KANK1: variants seen among roughly 807,000 people sequenced by gnomAD.
KANK1 encodes KN motif and ankyrin repeat domains 1.
Under a neutral mutation model 106.2 loss-of-function variants are expected in KANK1, and 109 were observed. The observed-to-expected ratio is 1.03, with a 90% CI of 0.88 to 1.20. The LOEUF (loss-of-function observed/expected upper bound fraction) is 1.20. Among genes scored for constraint, KANK1 ranks in the 50% most tolerant of loss-of-function variants. The pLI is 0.00. For missense variants in KANK1, 2,399 were observed against 1,710.7 expected, an observed-to-expected ratio of 1.40 and a Z score of -7.10; for synonymous variants, 873 against 652.2, an observed-to-expected ratio of 1.34 and a Z score of -5.16.
chr9:612,529 T>A (rs1830815190), intron 1 of KANK1, among the ~76,000 whole-genome samples: 1 of 152,210 alleles, frequency 6.6e-6, no homozygotes, highest in Non-Finnish European at 1.5e-5. Flanking sequence ...AAACAGTTTA[T>A]GTTCTGCCTT....
intron 2 of KANK1, among the ~76,000 whole-genome samples, chr9:701,747 A>G (rs537130479): frequency 6.6e-6 from 1 of 152,284 alleles, no homozygotes; most frequent in South Asian, 2.1e-4. Context: ...GCAGGTTAGT[A>G]CTCGACTAGT....
At chr9:690,142 A>AAAAC (rs1309305912) in intron 2 of KANK1, among the ~76,000 whole-genome samples, 3 of 148,344 alleles carry the variant, frequency 2.0e-5, no homozygotes, top group Admixed American at 6.7e-5. Flanking sequence ...ACAAAAAAAA[A>AAAAC]AAAAAAAAAA....
intron 1 of KANK1, among the ~76,000 whole-genome samples, chr9:676,409 G>T (rs1816422664): frequency 6.6e-6 from 1 of 152,148 alleles, no homozygotes; most frequent in South Asian, 2.1e-4. Context: ...AGAGGCGTTG[G>T]TAGAAAGACT....
intron 1 of KANK1, among the ~76,000 whole-genome samples, chr9:538,890 A>G (rs922174948): frequency 6.6e-6 from 1 of 152,050 alleles, no homozygotes; most frequent in Non-Finnish European, 1.5e-5. Context: ...TTTTTTATTT[A>G]TTTATTTTTT....
intron 2 of KANK1, among the ~76,000 whole-genome samples, chr9:705,108 A>G (rs1823720119): frequency 1.3e-5 from 2 of 152,106 alleles, no homozygotes; most frequent in Admixed American, 1.3e-4. Context: ...CTGAAACAAT[A>G]TCATGGAAGA....
At chr9:625,420 G>GA (rs1214139783) in intron 1 of KANK1, among the ~76,000 whole-genome samples, 1 of 152,122 alleles carries the variant, frequency 6.6e-6, no homozygotes, top group Non-Finnish European at 1.5e-5. Flanking sequence ...CAGTTTTCCA[G>GA]AAAAATTGTT....
intron 2 of KANK1, among the ~76,000 whole-genome samples, chr9:689,266 T>C (rs1819300358): frequency 1.3e-5 from 2 of 152,172 alleles, no homozygotes; most frequent in Admixed American, 1.3e-4. Context: ...CACATGTGTT[T>C]GGGGAAATGC....
At chr9:526,629 G>A (rs1162328017) in intron 1 of KANK1, among the ~76,000 whole-genome samples, 2 of 151,742 alleles carry the variant, frequency 1.3e-5, no homozygotes, top group African/African-American at 4.9e-5. Context: ...ACTTCAAAAA[G>A]TCAAGTTGTT....
intron 1 of KANK1, chr9:558,769 TG>T (rs1339947469): frequency 6.6e-6 from 1 of 152,042 alleles, no homozygotes; most frequent in East Asian, 1.9e-4. Flanking sequence ...GAGTGTAGGC[TG>T]GTTTTTTGGC....
At chr9:674,581 T>C (rs375539240) in intron 1 of KANK1, among the ~76,000 whole-genome samples, 1 of 152,202 alleles carries the variant, frequency 6.6e-6, no homozygotes, top group East Asian at 1.9e-4. Flanking sequence ...TATTTACTTA[T>C]ATTTCTGACC....
At chr9:714,838 C>G (rs1418034097) in intron 3 of KANK1, among the ~76,000 whole-genome samples, 9 of 152,186 alleles carry the variant, frequency 5.9e-5, no homozygotes, top group Non-Finnish European at 1.2e-4. Flanking sequence ...TGTGCACTGC[C>G]TCTCACAGTG....
chr9:517,355 G>C (rs984768355), intron 1 of KANK1, among the ~76,000 whole-genome samples: 8 of 151,778 alleles, frequency 5.3e-5, no homozygotes, highest in Admixed American at 2.0e-4. Context: ...GCCTGCCTCG[G>C]CCTTCCAAAG....
chr9:686,604 C>T lies in KANK1; in HGVS notation c.37+9595C>T, dbSNP rs540049655. On this transcript the variant is annotated intron_variant, in intron 2 of 11. Transcript: ENST00000382297. ...GGAAAAAAAAATTAATTGCAAAACA[C>T]TGTGATGCCCTTTGCCACCAGATTT... Among the ~76,000 whole-genome samples, 8 of 152,322 alleles carry T rather than the reference C, an allele frequency of 5.3e-5. No individual in the cohort carries two copies. In the South Asian group the frequency reaches 1.7e-3, roughly 32 times the overall value.
intron 1 of KANK1, among the ~76,000 whole-genome samples, chr9:573,788 C>G (rs1194991903): frequency 6.6e-6 from 1 of 150,518 alleles, no homozygotes; most frequent in Non-Finnish European, 1.5e-5. Context: ...GGAATTACTT[C>G]ATTGTGCTGA....
chr9:709,298 A>C (rs144682633), intron 2 of KANK1, among the ~76,000 whole-genome samples: 1 of 152,312 alleles, frequency 6.6e-6, no homozygotes, highest in East Asian at 1.9e-4. Flanking sequence ...TTAATCACTA[A>C]ATATCCCATG....
chr9:651,364 A>G (rs9407333), intron 1 of KANK1, among the ~76,000 whole-genome samples: 1 of 152,034 alleles, frequency 6.6e-6, no homozygotes, highest in Non-Finnish European at 1.5e-5. Context: ...TTTATATAAT[A>G]CAGAGTTGGC....
At chr9:596,034 G>A (rs1015945162) in intron 1 of KANK1, among the ~76,000 whole-genome samples, 4 of 151,740 alleles carry the variant, frequency 2.6e-5, no homozygotes, top group South Asian at 2.1e-4. Flanking sequence ...TAACAAGTTC[G>A]TTTATGTTTC....
intron 1 of KANK1, among the ~76,000 whole-genome samples, chr9:540,317 A>G (rs1286854772): frequency 1.3e-5 from 2 of 152,194 alleles, no homozygotes; most frequent in African/African-American, 4.8e-5. Flanking sequence ...CGATTTTGTT[A>G]ACGTGGTATT....
At chr9:671,943 G>A (rs142103971) in intron 1 of KANK1, among the ~76,000 whole-genome samples, 11 of 152,060 alleles carry the variant, frequency 7.2e-5, no homozygotes, top group African/African-American at 9.7e-5. Flanking sequence ...GCAAGACTCC[G>A]TCTCAAAAAA....
Sources: gnomAD v4.1 joint callset for allele counts (sites outside exome capture counted in the v4.1 genomes callset) on GRCh38, gnomAD v4.1.1 for gene constraint, MANE v1.5 for transcripts, NCBI Gene and HGNC (gene_info 2026-07-23, HGNC 2026-07-21) for gene names.